Variants in PLXNC1 observed in about 807,000 individuals in gnomAD.
PLXNC1 encodes plexin C1.
Under a neutral mutation model 178.2 loss-of-function variants are expected in PLXNC1, and 75 were observed. The ratio of observed to expected loss-of-function variants is 0.42; its 90% CI spans 0.35 to 0.51. The LOEUF (loss-of-function observed/expected upper bound fraction) is 0.51. Among genes scored for constraint, PLXNC1 ranks in the 20% least tolerant of loss-of-function variants. The pLI, the probability that PLXNC1 is intolerant of heterozygous loss-of-function variation, is 0.02. For synonymous variants in PLXNC1, 790 were observed against 779.9 expected (o/e 1.01, Z -0.22); for missense variants, 1,503 against 1,984.4 (o/e 0.76, Z 4.61).
At chr12:94,263,206 C>T (rs1011670363) in intron 20 of PLXNC1, among the ~76,000 whole-genome samples, 1 of 151,864 alleles carries the variant, frequency 6.6e-6, no homozygotes, top group African/African-American at 2.4e-5. Context: ...CACCGCCTCC[C>T]CGCCCCCGGC....
Position 94,305,431 on chromosome 12 carries a change from G to T in PLXNC1, c.*146G>T. On this transcript the variant is annotated 3_prime_UTR_variant, in exon 31 of 31. Coordinates refer to ENST00000258526, the MANE Select transcript of PLXNC1 (RefSeq NM_005761.3). ...GTCTTTTTAAGAGACCAAGGCACAT[G>T]CACAGCTTTTAGAAAGCATACCAAC... 3.4e-6 allele frequency: 2 copies of T among 596,984 alleles called. No homozygotes were observed. Among genetic ancestry groups the T allele is most frequent in the Non-Finnish European group, 6.0e-6 (2 of 332,868 alleles). The allele number at this position is 596,984 out of a possible 1,614,324, so 37.0% of individuals were successfully genotyped here.
At chr12:94,235,308 A>T (rs1322541144) in intron 9 of PLXNC1, among the ~76,000 whole-genome samples, 1 of 152,246 alleles carries the variant, frequency 6.6e-6, no homozygotes, top group African/African-American at 2.4e-5. Context: ...AGAGCCATTT[A>T]AGGAGCAAAA....
intron 1 of PLXNC1, among the ~76,000 whole-genome samples, chr12:94,156,475 A>G (rs1027999422): frequency 5.2e-5 from 4 of 77,590 alleles, no homozygotes; most frequent in Non-Finnish European, 1.0e-4. Flanking sequence ...CCCACTGTCT[A>G]TCTTTTTTTT....
chr12:94,234,339 A>G (rs1204416038), intron 9 of PLXNC1, among the ~76,000 whole-genome samples: 1 of 152,180 alleles, frequency 6.6e-6, no homozygotes, highest in Non-Finnish European at 1.5e-5. Context: ...TTGAAAGATA[A>G]CTATTTCTTA....
intron 1 of PLXNC1, among the ~76,000 whole-genome samples, chr12:94,157,285 A>AG (rs1961211378): frequency 1.3e-5 from 2 of 152,196 alleles, no homozygotes; most frequent in Non-Finnish European, 2.9e-5. Context: ...ACCAAGACCA[A>AG]CATCTTGATT....
chr12:94,256,794 C>A (rs1481774766), intron 17 of PLXNC1, among the ~76,000 whole-genome samples: 1 of 101,714 alleles, frequency 9.8e-6, no homozygotes, highest in African/African-American at 3.8e-5. Flanking sequence ...TAATCAAGAA[C>A]AAGATAGAGT....
chr12:94,282,928 T>C (rs1297452532), intron 23 of PLXNC1: 2 of 153,734 alleles, frequency 1.3e-5, no homozygotes, highest in Non-Finnish European at 2.9e-5. Context: ...CGGTGAGGGG[T>C]GCACGTGACT....
At chr12:94,294,078 G>A (rs1967645254) in intron 23 of PLXNC1, among the ~76,000 whole-genome samples, 2 of 152,166 alleles carry the variant, frequency 1.3e-5, no homozygotes, top group Non-Finnish European at 2.9e-5. Context: ...TCCATAGCAA[G>A]TAACAATTTT....
chr12:94,195,443 A>G (rs1352201598), intron 4 of PLXNC1, among the ~76,000 whole-genome samples: 2 of 152,124 alleles, frequency 1.3e-5, no homozygotes, highest in Non-Finnish European at 2.9e-5. Context: ...TTTTAGTGCC[A>G]TGATGGAATC....
chr12:94,277,572 G>A (rs1241865160), intron 21 of PLXNC1, among the ~76,000 whole-genome samples: 1 of 152,250 alleles, frequency 6.6e-6, no homozygotes, highest in East Asian at 1.9e-4. Context: ...TTAGGGATGG[G>A]TTCAGAGGTC....
chr12:94,156,854 C>A (rs1484117694), intron 1 of PLXNC1, among the ~76,000 whole-genome samples: 1 of 151,938 alleles, frequency 6.6e-6, no homozygotes, highest in Non-Finnish European at 1.5e-5. Context: ...ACTACAGGCA[C>A]ACACCACCAT....
chr12:94,220,651 C>T (rs866562168), intron 6 of PLXNC1, among the ~76,000 whole-genome samples: 11 of 152,258 alleles, frequency 7.2e-5, no homozygotes, highest in Non-Finnish European at 1.6e-4. Flanking sequence ...AAAGACTGTA[C>T]ACTGGGATAG....
chr12:94,298,333 A>G (rs1968134517), intron 26 of PLXNC1, among the ~76,000 whole-genome samples: 1 of 152,210 alleles, frequency 6.6e-6, no homozygotes, highest in South Asian at 2.1e-4. Context: ...GTTTATGTAA[A>G]CAGCCCTACA....
At chr12:94,271,343 T>C (rs1271463361) in intron 21 of PLXNC1, among the ~76,000 whole-genome samples, 1 of 152,204 alleles carries the variant, frequency 6.6e-6, no homozygotes, top group Non-Finnish European at 1.5e-5. Context: ...GACAGTGAGG[T>C]AGCCAGATCA....
intron 4 of PLXNC1, among the ~76,000 whole-genome samples, chr12:94,192,292 A>G (rs1962755954): frequency 6.6e-6 from 1 of 152,244 alleles, no homozygotes; most frequent in Admixed American, 6.5e-5. Context: ...AGACTTATCA[A>G]TGGCCAACAT....
At chr12:94,202,919 CTGGT>C (rs1963184833) in intron 4 of PLXNC1, among the ~76,000 whole-genome samples, 1 of 152,082 alleles carries the variant, frequency 6.6e-6, no homozygotes, top group African/African-American at 2.4e-5. Flanking sequence ...ACAGGAGAGT[CTGGT>C]ATGGGAGAAA....
At chr12:94,215,572 AGATAGATAGATAG>A (rs575008461) in intron 5 of PLXNC1, among the ~76,000 whole-genome samples, 3,104 of 152,014 alleles carry the variant, frequency 0.02, 38 homozygotes, top group Middle Eastern at 0.044. Flanking sequence ...ATAGATAGAT[AGATAGATAGATAG>A]ATAGATATCA....
chr12:94,229,415 C>T (rs1210156048), intron 9 of PLXNC1, among the ~76,000 whole-genome samples: 1 of 152,078 alleles, frequency 6.6e-6, no homozygotes, highest in African/African-American at 2.4e-5. Flanking sequence ...TGATGAAGTC[C>T]AGTTCATTTA....
At chr12:94,214,991 G>A (rs1365881644) in intron 5 of PLXNC1, among the ~76,000 whole-genome samples, 1 of 152,046 alleles carries the variant, frequency 6.6e-6, no homozygotes, top group Admixed American at 6.6e-5. Flanking sequence ...CTGCCTCCCG[G>A]GTTCAAGCGA....
Sources: allele counts gnomAD v4.1 joint callset (sites outside exome capture counted in the v4.1 genomes callset), GRCh38; gene constraint gnomAD v4.1.1; transcripts MANE v1.5; gene names NCBI Gene and HGNC (gene_info 2026-07-23, HGNC 2026-07-21).